OXR1: variants seen among roughly 807,000 people sequenced by gnomAD.
The protein encoded by OXR1 is oxidation resistance 1.
Under a neutral mutation model 104.6 loss-of-function variants are expected in OXR1, and 41 were observed. That is an observed-to-expected ratio of 0.39 (90% confidence interval 0.31 to 0.51). The LOEUF (loss-of-function observed/expected upper bound fraction) is 0.51, where lower values mean the gene tolerates loss of function less well. Ranked by LOEUF, OXR1 falls within the 20% of genes least tolerant of loss-of-function variation. The probability of loss-of-function intolerance (pLI) is 0.77; values close to 1 mark genes in which losing one functional copy is unlikely to be tolerated. For synonymous variants in OXR1, 348 were observed against 348.4 expected, an observed-to-expected ratio of 1.00 and a Z score of 0.01; for missense variants, 955 against 1,031.9, an observed-to-expected ratio of 0.93 and a Z score of 1.02.
intron 3 of OXR1, among the ~76,000 whole-genome samples, chr8:106,572,707 T>A (rs7823355): frequency 0.015 from 2,294 of 152,288 alleles, 58 homozygotes; most frequent in African/African-American, 0.051. Flanking sequence ...AACGTTTTCT[T>A]CATGTCTGTC....
At chr8:106,513,991 A>T (rs1812703525) in intron 2 of OXR1, among the ~76,000 whole-genome samples, 1 of 152,108 alleles carries the variant, frequency 6.6e-6, no homozygotes, top group Admixed American at 6.5e-5. Flanking sequence ...AAAAGCAAAA[A>T]TTAAGACAAA....
intron 2 of OXR1, chr8:106,447,978 C>G (rs1225896487): frequency 6.5e-7 from 1 of 1,534,842 alleles, no homozygotes; most frequent in Non-Finnish European, 8.7e-7. Flanking sequence ...CAGATCCGCC[C>G]CGGCTCCCAC....
chr8:106,677,559 A>G (rs990549327), intron 3 of OXR1, among the ~76,000 whole-genome samples: 8 of 152,242 alleles, frequency 5.3e-5, no homozygotes, highest in African/African-American at 1.9e-4. Flanking sequence ...ATATTTCAGT[A>G]TAGTTTAAAT....
intron 3 of OXR1, among the ~76,000 whole-genome samples, chr8:106,548,732 T>C (rs987466170): frequency 6.6e-6 from 1 of 152,150 alleles, no homozygotes; most frequent in African/African-American, 2.4e-5. Flanking sequence ...TATAAAGGAG[T>C]GCTCAGCATA....
intron 2 of OXR1, among the ~76,000 whole-genome samples, chr8:106,382,543 T>C (rs1817189919): frequency 6.6e-6 from 1 of 152,024 alleles, no homozygotes; most frequent in Admixed American, 6.6e-5. Context: ...TTTGCGCTTG[T>C]TAGGACCTAG....
At chr8:106,545,538 G>T (rs145960218) in intron 3 of OXR1, among the ~76,000 whole-genome samples, 1 of 152,192 alleles carries the variant, frequency 6.6e-6, no homozygotes, top group South Asian at 2.1e-4. Flanking sequence ...CAAGCATACT[G>T]TAAACCTATA....
intron 1 of OXR1, among the ~76,000 whole-genome samples, chr8:106,320,682 G>A (rs999083789): frequency 6.6e-6 from 1 of 150,932 alleles, no homozygotes; most frequent in African/African-American, 2.4e-5. Flanking sequence ...CTTTTTTTGG[G>A]GGGGGCGGGG....
Position 106,684,309 on chromosome 8 carries a change from G to GT in OXR1, c.476dup (p.Ser160LysfsTer9). The GT allele has an allele frequency of 6.2e-7, 1 of 1,610,370 alleles. No individual in the cohort carries two copies. Among genetic ancestry groups the GT allele is most frequent in the Non-Finnish European group, 8.5e-7 (1 of 1,176,768 alleles). ...TGAGAGCTCTCCATCTCTAAGCCCCGTAAGTCCTCTGTCACCAACATCATC... is the reference window on the plus strand; with the variant it reads ...TGAGAGCTCTCCATCTCTAAGCCCCGTTAAGTCCTCTGTCACCAACATCATC... On this transcript the variant is annotated frameshift_variant, in exon 6 of 17. Transcript: ENST00000517566. LOFTEE classifies it high-confidence loss of function.
At chr8:106,392,989 C>T (rs950002210) in intron 2 of OXR1, among the ~76,000 whole-genome samples, 26 of 152,256 alleles carry the variant, frequency 1.7e-4, no homozygotes, top group African/African-American at 2.4e-4. Flanking sequence ...GCTCCCCACA[C>T]GGGGGATCTG....
At chr8:106,684,475 ATTTTGTTGCT>A (rs1828496844) in intron 6 of OXR1, 116 bp downstream of exon 6, 1 of 628,168 alleles carries the variant, frequency 1.6e-6, no homozygotes, top group African/African-American at 1.8e-5. Context: ...TTTCCTTTTT[ATTTTGTTGCT>A]TAAGTTTGTA....
At chr8:106,541,245 G>A (rs1010311900) in intron 3 of OXR1, among the ~76,000 whole-genome samples, 2 of 152,146 alleles carry the variant, frequency 1.3e-5, no homozygotes, top group Admixed American at 1.3e-4. Flanking sequence ...AAAACATTTA[G>A]TAGTGTGTCA....
At chr8:106,499,945 G>A (rs1029053669) in intron 2 of OXR1, among the ~76,000 whole-genome samples, 4 of 152,190 alleles carry the variant, frequency 2.6e-5, no homozygotes, top group African/African-American at 7.2e-5. Flanking sequence ...CTGTGACGCT[G>A]AGAAGTGAAT....
intron 2 of OXR1, among the ~76,000 whole-genome samples, chr8:106,456,517 A>G (rs1396454408): frequency 2.0e-5 from 3 of 152,250 alleles, no homozygotes; most frequent in African/African-American, 7.2e-5. Flanking sequence ...TATTGATAAA[A>G]TAAGTATGTT....
intron 1 of OXR1, among the ~76,000 whole-genome samples, chr8:106,284,866 A>C (rs1174189569): frequency 6.6e-6 from 1 of 152,130 alleles, no homozygotes; most frequent in Non-Finnish European, 1.5e-5. Flanking sequence ...GCCATAGCTT[A>C]CTTGTTTATT....
intron 1 of OXR1, among the ~76,000 whole-genome samples, chr8:106,319,687 G>A (rs917830051): frequency 1.3e-5 from 2 of 152,182 alleles, no homozygotes; most frequent in African/African-American, 4.8e-5. Context: ...CCCGTAGGCA[G>A]CATTCTGAGG....
chr8:106,606,790 T>C (rs1250179501), intron 3 of OXR1, among the ~76,000 whole-genome samples: 1 of 152,126 alleles, frequency 6.6e-6, no homozygotes, highest in African/African-American at 2.4e-5. Flanking sequence ...CATTCACAGA[T>C]TCCAGGGATC....
intron 2 of OXR1, among the ~76,000 whole-genome samples, chr8:106,429,381 C>T (rs1012177832): frequency 1.3e-5 from 2 of 152,202 alleles, no homozygotes; most frequent in East Asian, 1.9e-4. Context: ...TACTTTAGGC[C>T]GGGCATAGTG....
intron 2 of OXR1, among the ~76,000 whole-genome samples, chr8:106,363,588 C>T (rs1213544992): frequency 6.7e-5 from 10 of 150,000 alleles, no homozygotes; most frequent in African/African-American, 2.5e-4. Flanking sequence ...AGACTCAAAA[C>T]ATGTATGATA....
intron 3 of OXR1, among the ~76,000 whole-genome samples, chr8:106,662,386 AG>A (rs1457586877): frequency 1.3e-5 from 2 of 152,220 alleles, no homozygotes; most frequent in Non-Finnish European, 1.5e-5. Flanking sequence ...CTGTTGCTGA[AG>A]TTTCATTTTA....
Sources: gnomAD v4.1 joint callset for allele counts (sites outside exome capture counted in the v4.1 genomes callset) on GRCh38, gnomAD v4.1.1 for gene constraint, MANE v1.5 for transcripts, NCBI Gene and HGNC (gene_info 2026-07-23, HGNC 2026-07-21) for gene names.